Variants in RBMS1 observed in about 807,000 individuals in gnomAD.
RBMS1 encodes the protein RNA binding motif single stranded interacting protein 1.
In RBMS1, 17 loss-of-function variants were observed where a neutral mutation model predicts 62.3. That is an observed-to-expected ratio of 0.27 (90% CI 0.19 to 0.41). RBMS1 has a LOEUF of 0.41. RBMS1 is among the 10% of genes least tolerant of loss of function. RBMS1 has a pLI of 1.00. For missense variants in RBMS1, 334 were observed against 504.5 expected, an observed-to-expected ratio of 0.66 and a Z score of 3.24; for synonymous variants, 172 against 170.0, an observed-to-expected ratio of 1.01 and a Z score of -0.09.
At chr2:160,289,718 T>C (rs899293410) in intron 6 of RBMS1, among the ~76,000 whole-genome samples, 1 of 152,134 alleles carries the variant, frequency 6.6e-6, no homozygotes, top group East Asian at 1.9e-4. Flanking sequence ...GTATTTGTTT[T>C]CAATAAAAAT....
At chr2:160,412,983 A>G (rs931459580) in intron 1 of RBMS1, among the ~76,000 whole-genome samples, 57 of 152,260 alleles carry the variant, frequency 3.7e-4, no homozygotes, top group Non-Finnish European at 7.2e-4. Flanking sequence ...TACTACAAAG[A>G]AAGTATGGTG....
rs369044663 is a variant in RBMS1 at position 160,293,236 on chromosome 2, C to A, written c.641-6152G>T. On this transcript the variant is annotated intron_variant, in intron 6 of 13. Coordinates refer to ENST00000348849, the MANE Select transcript of RBMS1 (RefSeq NM_016836.4). ...CTTTGAAAAATCTCCAGGCCTTTTACTAGATTCATAATTTTCCCTCTAAAC... is the reference window on the plus strand; with the variant it reads ...CTTTGAAAAATCTCCAGGCCTTTTAATAGATTCATAATTTTCCCTCTAAAC... Among the ~76,000 whole-genome samples the A allele has an allele frequency of 1.7e-4, 26 of 152,278 alleles. No individual in the cohort carries two copies. In the East Asian group the frequency reaches 2.5e-3, roughly 15 times the overall value.
intron 2 of RBMS1, among the ~76,000 whole-genome samples, chr2:160,330,506 G>C (rs1054532842): frequency 6.6e-6 from 1 of 152,030 alleles, no homozygotes; most frequent in African/African-American, 2.4e-5. Flanking sequence ...CTTAGCCAAA[G>C]TCAATAAAAT....
In RBMS1 at chr2:160,272,627, T is replaced by C. The variant is rs1687638950; in HGVS notation, c.*2145A>G. The C allele has an allele frequency of 6.6e-6, 1 of 152,114 alleles. No homozygotes were observed. Among genetic ancestry groups the C allele is most frequent in the African/African-American group, 2.4e-5 (1 of 41,394 alleles). 9.4% of individuals were successfully genotyped at this position (152,114 alleles called of 1,614,324 possible). A position where few individuals can be genotyped will look rare whatever the true frequency, so the allele number is the denominator to read the frequency against. On this transcript the variant is annotated 3_prime_UTR_variant, in exon 14 of 14. Transcript: ENST00000348849. ...TCTTAACTAATGCAAAAATATCAAG[T>C]AGTGAGAGACCCAGGTTTATAACTG...
intron 1 of RBMS1, among the ~76,000 whole-genome samples, chr2:160,405,540 TA>T (rs1247899406): frequency 6.6e-6 from 1 of 152,212 alleles, no homozygotes; most frequent in Non-Finnish European, 1.5e-5. Flanking sequence ...GGCTAAATAC[TA>T]ACAAAAGAAA....
At chr2:160,423,805 C>T (rs933966832) in intron 1 of RBMS1, among the ~76,000 whole-genome samples, 6 of 152,044 alleles carry the variant, frequency 3.9e-5, no homozygotes, top group Non-Finnish European at 5.9e-5. Context: ...GGTTGGCCTT[C>T]GCTCCTCTCT....
intron 1 of RBMS1, among the ~76,000 whole-genome samples, chr2:160,409,968 C>G (rs1695957605): frequency 6.6e-6 from 1 of 152,118 alleles, no homozygotes; most frequent in Non-Finnish European, 1.5e-5. Context: ...GTGGCTCACG[C>G]CTGTAATCCC....
At chr2:160,380,336 G>A (rs1385719290) in intron 1 of RBMS1, among the ~76,000 whole-genome samples, 1 of 151,996 alleles carries the variant, frequency 6.6e-6, no homozygotes, top group Non-Finnish European at 1.5e-5. Context: ...AAACAGACTA[G>A]AGCCCAAACA....
chr2:160,411,850 G>A (rs1696050060), intron 1 of RBMS1, among the ~76,000 whole-genome samples: 2 of 152,198 alleles, frequency 1.3e-5, no homozygotes, highest in South Asian at 4.1e-4. Flanking sequence ...TTAAGCACAA[G>A]CAAATTTAGG....
chr2:160,303,791 C>T (rs1181719975), intron 4 of RBMS1, among the ~76,000 whole-genome samples: 1 of 152,150 alleles, frequency 6.6e-6, no homozygotes, highest in South Asian at 2.1e-4. Flanking sequence ...AAATAACTGA[C>T]CTCTCCTCCA....
intron 1 of RBMS1, among the ~76,000 whole-genome samples, chr2:160,448,789 C>T (rs1455903957): frequency 2.6e-5 from 4 of 151,196 alleles, no homozygotes; most frequent in Non-Finnish European, 5.9e-5. Context: ...TCTGCCCAGC[C>T]ACCCAGTCTG....
chr2:160,340,420 A>G (rs1573892694), intron 2 of RBMS1, among the ~76,000 whole-genome samples: 1 of 152,124 alleles, frequency 6.6e-6, no homozygotes, highest in Non-Finnish European at 1.5e-5. Flanking sequence ...GCCCAACACT[A>G]GCTTTCGGTT....
chr2:160,464,791 A>C (rs966419079), intron 1 of RBMS1, among the ~76,000 whole-genome samples: 26 of 152,202 alleles, frequency 1.7e-4, no homozygotes, highest in African/African-American at 6.0e-4. Context: ...CTAGGATGTG[A>C]AGAGTTAAGA....
intron 1 of RBMS1, chr2:160,407,834 G>C: frequency 1.0e-6 from 1 of 981,264 alleles, no homozygotes; most frequent in Non-Finnish European, 1.2e-6. Context: ...CGGCGTCGCC[G>C]ACTCTCCCGG....
chr2:160,367,591 T>G lies in RBMS1; in HGVS notation c.76-200A>C, dbSNP rs547535728. 60 of 950,172 alleles carry G rather than the reference T, an allele frequency of 6.3e-5. 2 individuals carry two copies. In the South Asian group the frequency reaches 1.3e-3, roughly 21 times the overall value. 58.9% of individuals were successfully genotyped at this position (950,172 alleles called of 1,614,324 possible). On this transcript the variant is annotated intron_variant, in intron 1 of 13. Coordinates refer to ENST00000348849, the MANE Select transcript of RBMS1 (RefSeq NM_016836.4). ...ACATAAAATTGATAATAGGGTTTACTAAGTAAAAGTTCTCTATGTGCACCT... is the reference window on the plus strand; with the variant it reads ...ACATAAAATTGATAATAGGGTTTACGAAGTAAAAGTTCTCTATGTGCACCT...
At chr2:160,294,567 T>G (rs1021788558) in intron 6 of RBMS1, among the ~76,000 whole-genome samples, 8 of 152,180 alleles carry the variant, frequency 5.3e-5, no homozygotes, top group African/African-American at 1.9e-4. Flanking sequence ...ACAGCTAGGA[T>G]GAGTTCATTG....
chr2:160,361,638 C>T (rs1304815753), intron 2 of RBMS1, among the ~76,000 whole-genome samples: 2 of 152,126 alleles, frequency 1.3e-5, no homozygotes, highest in Admixed American at 6.6e-5. Context: ...TCTAAAAAAG[C>T]CCGGTGTGCA....
chr2:160,471,716 T>TATATATATATATATATATATATATATAA (rs371634389), intron 1 of RBMS1, among the ~76,000 whole-genome samples: 876 of 75,744 alleles, frequency 0.012, 58 homozygotes, highest in Non-Finnish European at 0.015. Flanking sequence ...TATATATATA[T>TATATATATATATATATATATATATATAA]AACCTTTCAT....
chr2:160,297,831 G>A (rs1689016940), intron 6 of RBMS1, among the ~76,000 whole-genome samples: 1 of 152,222 alleles, frequency 6.6e-6, no homozygotes, highest in Non-Finnish European at 1.5e-5. Context: ...AGGAGGATAA[G>A]CAGGAAGGCA....
Sources: allele counts gnomAD v4.1 joint callset (sites outside exome capture counted in the v4.1 genomes callset), GRCh38; gene constraint gnomAD v4.1.1; transcripts MANE v1.5; gene names NCBI Gene and HGNC (gene_info 2026-07-23, HGNC 2026-07-21).